Variants in TBX10 observed in about 807,000 individuals in gnomAD.
The protein encoded by TBX10 is T-box transcription factor 10.
A neutral mutation model predicts 32.4 loss-of-function variants in TBX10; 26 were observed. The observed-to-expected ratio is 0.80, with a 90% CI of 0.59 to 1.11. The LOEUF (loss-of-function observed/expected upper bound fraction) is 1.11, where lower values mean the gene tolerates loss of function less well. Ranked by LOEUF, TBX10 falls within the 50% of genes most tolerant of loss-of-function variation. The probability of loss-of-function intolerance (pLI) is 0.00; values close to 1 mark genes in which losing one functional copy is unlikely to be tolerated. For synonymous variants in TBX10, 195 were observed against 203.1 expected (o/e 0.96, Z 0.34); for missense variants, 490 against 494.5 (o/e 0.99, Z 0.09).
rs757238456 is a variant in TBX10 at position 67,631,749 on chromosome 11, T to G, written c.1014A>C (p.Leu338=). ...GTGCTGGTCGGGTCCTTGGGATCCC[T>G]AGGTGGCTCGGGGCTCCAGAGTACA... ...QSLYSGAPSH[L]GIPRTRPAPY... Residue 338 remains leucine (L), a synonymous_variant, in exon 8 of 8, where the codon CTA becomes CTC. Coordinates refer to ENST00000335385, the MANE Select transcript of TBX10 (RefSeq NM_005995.5). The G allele has an allele frequency of 6.2e-7, 1 of 1,609,890 alleles. No homozygotes were observed. The highest frequency in any genetic ancestry group is 8.5e-7 in the Non-Finnish European group (1 of 1,178,536).
chr11:67,632,637 C>G lies in TBX10; in HGVS notation c.739G>C (p.Ala247Pro). 1 of 1,614,040 alleles carries G rather than the reference C, an allele frequency of 6.2e-7. No homozygotes were observed. The highest frequency in any genetic ancestry group is 8.5e-7 in the Non-Finnish European group (1 of 1,180,002). Reference protein sequence around the residue: ...TQLKIASNPFAKGFRESDLDS... With the variant: ...TQLKIASNPFPKGFRESDLDS... The stretch of plus-strand genomic sequence containing the variant: ...AGGTCACTCTCTCTAAAGCCTTTGG[C>G]AAAAGGGTTGCTGGCGATTTTCAGC... The change falls in exon 6 of 8, where the codon GCC becomes CCC. Residue 247 changes from alanine (A) to proline (P), a missense_variant. Physicochemically the swap from Ala to Pro is conservative, Grantham distance 27. This residue lies in a region of TBX10 where 177 missense variants were observed against 176.6 expected (regional missense o/e 1.00). Coordinates refer to ENST00000335385, the MANE Select transcript of TBX10 (RefSeq NM_005995.5).
Position 67,632,426 on chromosome 11 carries a change from C to T in TBX10, c.774-14G>A, listed in dbSNP as rs577152654. The T allele has an allele frequency of 3.0e-5, 48 of 1,608,188 alleles. No individual in the cohort carries two copies. Among genetic ancestry groups the T allele is most frequent in the South Asian group, 4.4e-5 (4 of 90,946 alleles). On this transcript the variant is annotated splice_polypyrimidine_tract_variant and intron_variant, in intron 6 of 7. Coordinates refer to ENST00000335385, the MANE Select transcript of TBX10 (RefSeq NM_005995.5). ...GGGGCCACAGGCCTGAAAGAGCAAGCGAGAATGGGGGGAGGGGATCAAGGG... is the reference window on the plus strand; with the variant it reads ...GGGGCCACAGGCCTGAAAGAGCAAGTGAGAATGGGGGGAGGGGATCAAGGG...
In TBX10 at chr11:67,632,641, A is replaced by G. The variant is rs745683097; in HGVS notation, c.735T>C (p.Pro245=). 6.2e-7 allele frequency: 1 copy of G among 1,614,034 alleles called. No individual in the cohort carries two copies. The highest frequency in any genetic ancestry group is 2.2e-5 in the East Asian group (1 of 44,886). ...RITQLKIASN[P]FAKGFRESDL... is the part of the protein sequence containing the mutation. ...CACTCTCTCTAAAGCCTTTGGCAAA[A>G]GGGTTGCTGGCGATTTTCAGCTGGG... The change falls in exon 6 of 8, where the codon CCT becomes CCC. Residue 245 remains proline (P), a synonymous_variant. Coordinates refer to ENST00000335385, the MANE Select transcript of TBX10 (RefSeq NM_005995.5).
intron 1 of TBX10, among the ~76,000 whole-genome samples, chr11:67,638,894 G>A (rs1404398566): frequency 1.3e-5 from 2 of 152,136 alleles, no homozygotes; most frequent in African/African-American, 4.8e-5. Context: ...CAGCCCCCCT[G>A]GGTCCATGGC....
chr11:67,640,277 G>T (rs1855387308), upstream of TBX10, among the ~76,000 whole-genome samples: 1 of 152,228 alleles, frequency 6.6e-6, no homozygotes, highest in African/African-American at 2.4e-5. Context: ...CGCAACGCTG[G>T]CAGGTCCCAC....
intron 1 of TBX10, among the ~76,000 whole-genome samples, chr11:67,635,713 T>C (rs950056334): frequency 2.6e-5 from 4 of 152,036 alleles, no homozygotes; most frequent in African/African-American, 9.7e-5. Context: ...GCAGGGGTCT[T>C]CCCCAGCTCT....
chr11:67,635,185 G>T lies in TBX10; in HGVS notation c.86C>A (p.Pro29His), dbSNP rs769229550. The stretch of plus-strand genomic sequence containing the variant: ...TGATGGGAATGGTGACCCCAGCCGG[G>T]GCTCCCAGCCAGAGCTGGTTGTAGG... The part of the protein sequence containing the change: ...PLPTTSSGWE[P>H]RLGSPFPSGP... Residue 29 changes from proline to histidine, a missense_variant, in exon 2 of 8, where the codon CCC becomes CAC. By Grantham distance (77) the Pro-to-His change is moderately conservative. This residue lies in a region of TBX10 where 307 missense variants were observed against 294.9 expected (regional missense o/e 1.04). Coordinates refer to ENST00000335385, the MANE Select transcript of TBX10 (RefSeq NM_005995.5). 2.5e-6 allele frequency: 4 copies of T among 1,613,880 alleles called. No individual in the cohort carries two copies. The highest frequency in any genetic ancestry group is 3.4e-6 in the Non-Finnish European group (4 of 1,180,024).
intron 1 of TBX10, among the ~76,000 whole-genome samples, chr11:67,635,603 C>T (rs961662540): frequency 1.4e-5 from 2 of 146,622 alleles, no homozygotes; most frequent in African/African-American, 5.1e-5. Flanking sequence ...CTCACAAGGC[C>T]GATGTGAGGA....
At chr11:67,638,707 A>G (rs2134102670) in intron 1 of TBX10, among the ~76,000 whole-genome samples, 1 of 152,338 alleles carries the variant, frequency 6.6e-6, no homozygotes, top group South Asian at 2.1e-4. Context: ...GGATTTCTGC[A>G]GCCTCGCGGG....
chr11:67,638,076 G>A (rs576698991), intron 1 of TBX10, among the ~76,000 whole-genome samples: 1 of 152,090 alleles, frequency 6.6e-6, no homozygotes, highest in South Asian at 2.1e-4. Context: ...AAGTGCTGGC[G>A]GGCACCTGTA....
At chr11:67,639,149 GAAGCT>G (rs1214496257) in intron 1 of TBX10, among the ~76,000 whole-genome samples, 1 of 152,228 alleles carries the variant, frequency 6.6e-6, no homozygotes, top group Non-Finnish European at 1.5e-5. Flanking sequence ...GTCTGGAAGG[GAAGCT>G]AAGGGCTTCT....
At chr11:67,635,817 C>T (rs1178105936) in intron 1 of TBX10, among the ~76,000 whole-genome samples, 9 of 152,126 alleles carry the variant, frequency 5.9e-5, no homozygotes, top group Non-Finnish European at 7.3e-5. Context: ...CTTGACAACC[C>T]GCCCAGAGCC....
rs893744051 is a variant in TBX10, at chr11:67,632,732, C to T, written c.706-62G>A. On this transcript the variant is annotated intron_variant, in intron 5 of 7. Coordinates refer to ENST00000335385, the MANE Select transcript of TBX10 (RefSeq NM_005995.5). ...AGCCAGGCTCAGCCACCTTGTCCTCCCGGGAACCGGCAGTCAGGAGGCCCT... is the reference window on the plus strand; with the variant it reads ...AGCCAGGCTCAGCCACCTTGTCCTCTCGGGAACCGGCAGTCAGGAGGCCCT... 2.5e-6 allele frequency: 4 copies of T among 1,603,944 alleles called. No homozygotes were observed. In the African/African-American group the frequency reaches 5.4e-5, roughly 21 times the overall value.
rs1318906370 is a variant in TBX10, at chr11:67,635,231, G to T, written c.40C>A (p.Pro14Thr). The part of the protein sequence containing the change: ...FLSAGLGILA[P>T]SETYPLPTTS... ...GTAGGTAGGGGGTAGGTCTCTGAGG[G>T]TGCAAGTATGCCGAGGCCAGCAGAT... is the stretch of plus-strand genomic sequence containing the variant. Residue 14 changes from proline to threonine, a missense_variant, in exon 2 of 8, where the codon CCC becomes ACC. By Grantham distance (38) the Pro-to-Thr change is conservative. This residue lies in a region of TBX10 where 307 missense variants were observed against 294.9 expected (regional missense o/e 1.04). Transcript: ENST00000335385. 2 of 1,613,682 alleles carry T rather than the reference G, an allele frequency of 1.2e-6. No homozygotes were observed. The highest frequency in any genetic ancestry group is 1.7e-6 in the Non-Finnish European group (2 of 1,180,032).
Position 67,639,581 on chromosome 11 carries a change from G to T in TBX10, c.-109C>A. 7.0e-7 allele frequency: 1 copy of T among 1,422,058 alleles called. No individual in the cohort carries two copies. Among genetic ancestry groups the T allele is most frequent in the East Asian group, 2.4e-5 (1 of 42,182 alleles). 88.1% of individuals were successfully genotyped at this position (1,422,058 alleles called of 1,614,324 possible). A position where few individuals can be genotyped will look rare whatever the true frequency, so the allele number is the denominator to read the frequency against. On this transcript the variant is annotated 5_prime_UTR_variant, in exon 1 of 8. It adds an upstream start codon to the 5' untranslated region. Coordinates refer to ENST00000335385, the MANE Select transcript of TBX10 (RefSeq NM_005995.5). ...CTCGTCCACTCGGCACCTCAGCTCA[G>T]CCCTCAGGTGCTCACACAAGCTGTA... is the stretch of plus-strand genomic sequence containing the variant.
chr11:67,638,476 A>G (rs1855360897), intron 1 of TBX10, among the ~76,000 whole-genome samples: 1 of 152,118 alleles, frequency 6.6e-6, no homozygotes, highest in Non-Finnish European at 1.5e-5. Flanking sequence ...CTGTAAGACT[A>G]TGGGATGCCT....
chr11:67,633,106 G>C lies in TBX10; in HGVS notation c.550-3C>G, dbSNP rs1855263986. On this transcript the variant is annotated splice_region_variant and splice_polypyrimidine_tract_variant and intron_variant, in intron 4 of 7. Coordinates refer to ENST00000335385, the MANE Select transcript of TBX10 (RefSeq NM_005995.5). ...CGGTGCATAGAGTTGAGAATGATCT[G>C]TGGAAGGGACAGAGCAGGGGTACAG... 1 of 1,613,804 alleles carries C rather than the reference G, an allele frequency of 6.2e-7. No individual in the cohort carries two copies. The highest frequency in any genetic ancestry group is 1.1e-5 in the South Asian group (1 of 91,072).
intron 4 of TBX10, among the ~76,000 whole-genome samples, chr11:67,633,776 T>A (rs1855276825): frequency 6.6e-6 from 1 of 152,140 alleles, no homozygotes; most frequent in Non-Finnish European, 1.5e-5. Flanking sequence ...CTCTTTGGCA[T>A]TTGTCCCTAT....
rs1481188734 is a variant in TBX10 at position 67,634,174 on chromosome 11, T to C, written c.549+15A>G. 6.2e-7 allele frequency: 1 copy of C among 1,611,800 alleles called. No individual in the cohort carries two copies. Among genetic ancestry groups the C allele is most frequent in the South Asian group, 1.1e-5 (1 of 91,084 alleles). ...ACCCCAGGCCCTTCCGTCCCCACCG[T>C]GGCCCCGGCCTCACGTGGCCATTGT... is the stretch of plus-strand genomic sequence containing the variant. On this transcript the variant is annotated intron_variant, in intron 4 of 7. Coordinates refer to ENST00000335385, the MANE Select transcript of TBX10 (RefSeq NM_005995.5).
Sources: gnomAD v4.1 joint callset for allele counts (sites outside exome capture counted in the v4.1 genomes callset) on GRCh38, gnomAD v4.1.1 for gene constraint, gnomAD v4.1.1 regional missense constraint, MANE v1.5 for transcripts, NCBI Gene and HGNC (gene_info 2026-07-23, HGNC 2026-07-21) for gene names.